PCDH9: variants seen among roughly 807,000 people sequenced by gnomAD.
PCDH9 encodes the protein protocadherin-9.
A neutral mutation model predicts 70.6 loss-of-function variants in PCDH9; 24 were observed. That is an observed-to-expected ratio of 0.34 (90% confidence interval 0.25 to 0.48). The LOEUF (loss-of-function observed/expected upper bound fraction) is 0.48. Ranked by LOEUF, PCDH9 falls within the 20% of genes least tolerant of loss-of-function variation. The pLI, the probability that PCDH9 is intolerant of heterozygous loss-of-function variation, is 0.99. For missense variants in PCDH9, 1,281 were observed against 1,503.6 expected (o/e 0.85, Z 2.45); for synonymous variants, 562 against 558.5 (o/e 1.01, Z -0.09).
At chr13:67,152,685 C>CA (rs1555312941) in intron 2 of PCDH9, among the ~76,000 whole-genome samples, 4 of 151,860 alleles carry the variant, frequency 2.6e-5, no homozygotes, top group Non-Finnish European at 5.9e-5. Flanking sequence ...ATAGCCCCCA[C>CA]TTTTTTTTCC....
In PCDH9 at chr13:67,145,389, T is replaced by G. The variant is rs554285116; in HGVS notation, c.3036+80016A>C. On this transcript the variant is annotated intron_variant, in intron 2 of 4. Transcript: ENST00000377865. ...TTGTCAAATTTTTTTTGTTCTTTCT[T>G]TCTCATACATGATGGGAATGTTGAG... is the stretch of plus-strand genomic sequence containing the variant. 8.5e-5 allele frequency among the ~76,000 whole-genome samples: 13 copies of G among 152,172 alleles called. No individual in the cohort carries two copies. The East Asian group carries it at 2.3e-3, about 27-fold the overall frequency.
At chr13:66,738,456 C>T (rs1338210816) in intron 3 of PCDH9, among the ~76,000 whole-genome samples, 4 of 150,082 alleles carry the variant, frequency 2.7e-5, no homozygotes, top group Admixed American at 2.0e-4. Flanking sequence ...CAAAGGAACG[C>T]AGTTCCTCAC....
At chr13:66,364,044 A>G (rs1956514330) in intron 4 of PCDH9, among the ~76,000 whole-genome samples, 1 of 152,034 alleles carries the variant, frequency 6.6e-6, no homozygotes, top group Non-Finnish European at 1.5e-5. Context: ...AATCCCAGCT[A>G]CTCGGGAAGC....
At chr13:66,923,034 T>C (rs2082662051) in intron 2 of PCDH9, among the ~76,000 whole-genome samples, 1 of 151,400 alleles carries the variant, frequency 6.6e-6, no homozygotes, top group Admixed American at 6.6e-5. Flanking sequence ...TATACGTAAG[T>C]CAAAAACTGA....
At chr13:66,468,517 AAAG>A (rs1331381901) in intron 4 of PCDH9, among the ~76,000 whole-genome samples, 4 of 152,138 alleles carry the variant, frequency 2.6e-5, no homozygotes, top group African/African-American at 9.7e-5. Flanking sequence ...GATGTCTTGA[AAAG>A]AAGATTTGTT....
At chr13:67,088,658 T>C (rs972296232) in intron 2 of PCDH9, among the ~76,000 whole-genome samples, 2 of 152,064 alleles carry the variant, frequency 1.3e-5, no homozygotes, top group Non-Finnish European at 2.9e-5. Context: ...ATAATAATTA[T>C]ATTGACCAGG....
At chr13:66,445,233 T>G (rs1175485109) in intron 4 of PCDH9, among the ~76,000 whole-genome samples, 1 of 147,266 alleles carries the variant, frequency 6.8e-6, no homozygotes, top group African/African-American at 2.5e-5. Flanking sequence ...GCCAATTATA[T>G]CTCAATACAG....
At chr13:66,649,854 C>T (rs1276096949) in intron 3 of PCDH9, among the ~76,000 whole-genome samples, 1 of 151,718 alleles carries the variant, frequency 6.6e-6, no homozygotes, top group Non-Finnish European at 1.5e-5. Flanking sequence ...TTATTAGTTT[C>T]TTCTTCACTC....
chr13:66,307,607 AC>A (rs1418983908), intron 4 of PCDH9, among the ~76,000 whole-genome samples: 1 of 152,072 alleles, frequency 6.6e-6, no homozygotes, highest in East Asian at 1.9e-4. Context: ...CTACAAGCAA[AC>A]TTTTAATCTT....
At chr13:67,140,950 T>TC in intron 2 of PCDH9, among the ~76,000 whole-genome samples, 1 of 152,314 alleles carries the variant, frequency 6.6e-6, no homozygotes, top group South Asian at 2.1e-4. Context: ...TTTTGCTTTT[T>TC]CCCCCTCATT....
At chr13:66,969,321 G>T (rs1594326725) in intron 2 of PCDH9, among the ~76,000 whole-genome samples, 1 of 151,936 alleles carries the variant, frequency 6.6e-6, no homozygotes, top group Admixed American at 6.6e-5. Flanking sequence ...GCCTCAAAAA[G>T]TGAATGTTAT....
intron 4 of PCDH9, among the ~76,000 whole-genome samples, chr13:66,366,307 A>T (rs1240688326): frequency 2.6e-5 from 4 of 152,028 alleles, no homozygotes; most frequent in Non-Finnish European, 4.4e-5. Flanking sequence ...TCATTCTTTA[A>T]TTCTACTTAT....
At chr13:66,956,903 G>T (rs1259575465) in intron 2 of PCDH9, among the ~76,000 whole-genome samples, 1 of 152,040 alleles carries the variant, frequency 6.6e-6, no homozygotes, top group Non-Finnish European at 1.5e-5. Flanking sequence ...AATTTGGGCT[G>T]GCATTTTATT....
chr13:66,965,509 C>G (rs975157734), intron 2 of PCDH9, among the ~76,000 whole-genome samples: 3 of 152,126 alleles, frequency 2.0e-5, no homozygotes, highest in Non-Finnish European at 2.9e-5. Flanking sequence ...GCTATTGCAG[C>G]CTCCTTTAAA....
At chr13:66,848,389 A>C (rs1410645757) in intron 3 of PCDH9, among the ~76,000 whole-genome samples, 1 of 152,204 alleles carries the variant, frequency 6.6e-6, no homozygotes, top group African/African-American at 2.4e-5. Context: ...CATTACCAAA[A>C]GATAAAAAAG....
intron 3 of PCDH9, among the ~76,000 whole-genome samples, chr13:66,885,750 A>C (rs1338667247): frequency 2.0e-5 from 3 of 152,198 alleles, no homozygotes; most frequent in African/African-American, 7.2e-5. Flanking sequence ...TTATAAGAAT[A>C]AAACTTGAAG....
chr13:66,404,239 G>A (rs1957240529), intron 4 of PCDH9, among the ~76,000 whole-genome samples: 1 of 152,148 alleles, frequency 6.6e-6, no homozygotes, highest in Non-Finnish European at 1.5e-5. Context: ...ACTGATGCTT[G>A]TTTATGTGTA....
intron 4 of PCDH9, among the ~76,000 whole-genome samples, chr13:66,367,608 G>A (rs542971653): frequency 4.6e-5 from 7 of 152,178 alleles, no homozygotes; most frequent in Non-Finnish European, 1.0e-4. Context: ...AAAACAAAAA[G>A]GTTTCACATG....
chr13:66,523,763 A>G (rs912823877), intron 4 of PCDH9, among the ~76,000 whole-genome samples: 3 of 152,026 alleles, frequency 2.0e-5, no homozygotes, highest in Non-Finnish European at 4.4e-5. Flanking sequence ...ATCACATAGA[A>G]GATAACTGGA....
Sources: gnomAD v4.1 joint callset for allele counts (sites outside exome capture counted in the v4.1 genomes callset) on GRCh38, gnomAD v4.1.1 for gene constraint, MANE v1.5 for transcripts, NCBI Gene and HGNC (gene_info 2026-07-23, HGNC 2026-07-21) for gene names.